The following SNX13 variants were observed in gnomAD, a reference collection of about 807,000 sequenced individuals.
SNX13 encodes sorting nexin 13.
In SNX13, 45 loss-of-function variants were observed where a neutral mutation model predicts 133.6. The observed-to-expected ratio is 0.34, with a 90% CI of 0.27 to 0.43. The LOEUF (loss-of-function observed/expected upper bound fraction) is 0.43. Ranked by LOEUF, SNX13 falls within the 20% of genes least tolerant of loss-of-function variation. The pLI is 1.00. For synonymous variants in SNX13, 414 were observed against 373.9 expected, an observed-to-expected ratio of 1.11 and a Z score of -1.24; for missense variants, 1,032 against 1,145.1, an observed-to-expected ratio of 0.90 and a Z score of 1.43.
chr7:17,905,326 C>T (rs1437998607), intron 1 of SNX13, among the ~76,000 whole-genome samples: 1 of 152,032 alleles, frequency 6.6e-6, no homozygotes, highest in Non-Finnish European at 1.5e-5. Context: ...TAGGCCTTAA[C>T]GATACAAAGA....
intron 9 of SNX13, among the ~76,000 whole-genome samples, chr7:17,859,368 A>C (rs1792337572): frequency 6.6e-6 from 1 of 152,158 alleles, no homozygotes; most frequent in Non-Finnish European, 1.5e-5. Flanking sequence ...CTACAACAAA[A>C]TACCAATTCA....
intron 16 of SNX13, among the ~76,000 whole-genome samples, chr7:17,827,157 G>C (rs1291062028): frequency 6.6e-6 from 1 of 151,924 alleles, no homozygotes; most frequent in Admixed American, 6.6e-5. Context: ...GTGTTGTCTT[G>C]CTGATTTTGC....
intron 8 of SNX13, among the ~76,000 whole-genome samples, chr7:17,871,615 T>C (rs1794129329): frequency 6.6e-6 from 1 of 152,196 alleles, no homozygotes; most frequent in Non-Finnish European, 1.5e-5. Context: ...ACAAGAATCC[T>C]ATTAAGTCTG....
chr7:17,792,837 A>G lies in SNX13; in HGVS notation c.*1208T>C, dbSNP rs1232457648. 1 of 152,386 alleles carries G rather than the reference A, an allele frequency of 6.6e-6. No individual in the cohort carries two copies. The highest frequency in any genetic ancestry group is 2.4e-5 in the African/African-American group (1 of 41,430). 9.4% of individuals were successfully genotyped at this position (152,386 alleles called of 1,614,324 possible). A position where few individuals can be genotyped will look rare whatever the true frequency, so the allele number is the denominator to read the frequency against. On this transcript the variant is annotated 3_prime_UTR_variant, in exon 26 of 26. Transcript: ENST00000428135. ...AACTATAGGAAATACAGAAGCTCCA[A>G]AACTAGAGAAAGTATTTTATTTTAT...
At chr7:17,822,714 C>T (rs1787436296) in intron 17 of SNX13, among the ~76,000 whole-genome samples, 1 of 152,074 alleles carries the variant, frequency 6.6e-6, no homozygotes, top group South Asian at 2.1e-4. Flanking sequence ...TTATTTCTCC[C>T]TGGGTGTTCT....
At chr7:17,933,779 C>A (rs1215516062) in intron 1 of SNX13, among the ~76,000 whole-genome samples, 1 of 140,416 alleles carries the variant, frequency 7.1e-6, no homozygotes, top group East Asian at 2.1e-4. Context: ...GATTTACATT[C>A]ATTAGTACAA....
At chr7:17,935,859 T>A (rs574988230) in intron 1 of SNX13, among the ~76,000 whole-genome samples, 1 of 152,194 alleles carries the variant, frequency 6.6e-6, no homozygotes, top group Admixed American at 6.5e-5. Context: ...ATTGAAGAAA[T>A]AGCTTATATA....
chr7:17,938,156 A>G (rs1167393179), intron 1 of SNX13, among the ~76,000 whole-genome samples: 1 of 152,250 alleles, frequency 6.6e-6, no homozygotes, highest in African/African-American at 2.4e-5. Context: ...CTTGTTTAAA[A>G]AATGAAAAGG....
intron 20 of SNX13, among the ~76,000 whole-genome samples, chr7:17,808,480 T>A (rs1266414503): frequency 6.6e-6 from 1 of 152,186 alleles, no homozygotes; most frequent in Non-Finnish European, 1.5e-5. Context: ...TAAGTTTGAT[T>A]GCTGTACCTG....
chr7:17,849,977 T>C (rs1030242280), intron 11 of SNX13, among the ~76,000 whole-genome samples: 2 of 152,182 alleles, frequency 1.3e-5, no homozygotes, highest in African/African-American at 4.8e-5. Context: ...TTCCTGACTC[T>C]GCAACTAAAA....
intron 5 of SNX13, chr7:17,888,581 C>A: frequency 2.4e-6 from 1 of 420,690 alleles, no homozygotes; most frequent in Non-Finnish European, 4.8e-6. Flanking sequence ...TTAGCTTCCT[C>A]ATCAGTAAAA....
intron 1 of SNX13, 109 bp downstream of exon 1, chr7:17,940,175 C>G (rs1802662286): frequency 9.0e-6 from 13 of 1,448,990 alleles, no homozygotes; most frequent in Non-Finnish European, 1.1e-5. Context: ...GCCCTGGAGC[C>G]CACGGCGAAG....
chr7:17,866,004 G>C (rs1793354387), intron 9 of SNX13, among the ~76,000 whole-genome samples: 1 of 152,124 alleles, frequency 6.6e-6, no homozygotes, highest in South Asian at 2.1e-4. Context: ...ATGGATTAAA[G>C]ACTTCAATCT....
intron 1 of SNX13, among the ~76,000 whole-genome samples, chr7:17,921,953 C>A (rs1216595091): frequency 6.6e-6 from 1 of 152,210 alleles, no homozygotes; most frequent in Non-Finnish European, 1.5e-5. Context: ...CTTTTAATAT[C>A]ATAAGCATTT....
At chr7:17,892,248 C>A (rs561410812) in intron 3 of SNX13, among the ~76,000 whole-genome samples, 1 of 151,650 alleles carries the variant, frequency 6.6e-6, no homozygotes, top group South Asian at 2.1e-4. Context: ...TAATATGAAA[C>A]CACGGATATT....
chr7:17,925,358 G>A (rs777735191), intron 1 of SNX13, among the ~76,000 whole-genome samples: 11 of 152,166 alleles, frequency 7.2e-5, no homozygotes, highest in Non-Finnish European at 1.2e-4. Context: ...GCCCAACTCT[G>A]TGAATATAGC....
intron 5 of SNX13, chr7:17,881,005 G>A (rs1219889857): frequency 6.6e-6 from 1 of 151,998 alleles, no homozygotes; most frequent in African/African-American, 2.4e-5. Context: ...CAGTAAAGGC[G>A]ATCTTCACAT....
intron 9 of SNX13, among the ~76,000 whole-genome samples, chr7:17,861,073 T>C (rs963280562): frequency 6.6e-6 from 1 of 152,080 alleles, no homozygotes; most frequent in African/African-American, 2.4e-5. Flanking sequence ...TGGAGTACAA[T>C]GGCACAATCA....
intron 1 of SNX13, among the ~76,000 whole-genome samples, chr7:17,912,321 C>T (rs1799069690): frequency 6.6e-6 from 1 of 152,048 alleles, no homozygotes; most frequent in Non-Finnish European, 1.5e-5. Flanking sequence ...CAAACACTGA[C>T]ACTAAACTGG....
Sources: gnomAD v4.1 joint callset for allele counts (sites outside exome capture counted in the v4.1 genomes callset) on GRCh38, gnomAD v4.1.1 for gene constraint, MANE v1.5 for transcripts, NCBI Gene and HGNC (gene_info 2026-07-23, HGNC 2026-07-21) for gene names.